Variants in PIWIL4 observed in about 807,000 individuals in gnomAD.
The protein encoded by PIWIL4 is piwi like RNA-mediated gene silencing 4, also known as piwi-like protein 4.
PIWIL4 carries 50 observed loss-of-function variants against 100.9 expected under a neutral mutation model. The ratio of observed to expected loss-of-function variants is 0.50; its 90% CI spans 0.39 to 0.63. The LOEUF is 0.63. Ranked by LOEUF, PIWIL4 falls within the 20% of genes least tolerant of loss-of-function variation. PIWIL4 has a pLI of 0.00. For missense variants in PIWIL4, 887 were observed against 1,043.3 expected (o/e 0.85, Z 2.06); for synonymous variants, 342 against 367.5 (o/e 0.93, Z 0.79).
chr11:94,574,430 G>A (rs567292146), intron 2 of PIWIL4, among the ~76,000 whole-genome samples: 1 of 152,326 alleles, frequency 6.6e-6, no homozygotes, highest in African/African-American at 2.4e-5. Context: ...AGAAGGGAAT[G>A]GGGAGGGAGG....
intron 19 of PIWIL4, 120 bp downstream of exon 19, chr11:94,620,264 G>T: frequency 9.0e-7 from 1 of 1,109,762 alleles, no homozygotes. Flanking sequence ...TCCTAAAGAA[G>T]GAATGAATGA....
At chr11:94,618,150 A>G in intron 17 of PIWIL4, 43 bp downstream of exon 17, 3 of 1,503,826 alleles carry the variant, frequency 2.0e-6, no homozygotes, top group East Asian at 2.3e-5. Context: ...CAATTATAGC[A>G]TATTCAGCTG....
chr11:94,592,906 T>C (rs957421936), intron 8 of PIWIL4, among the ~76,000 whole-genome samples: 1 of 152,156 alleles, frequency 6.6e-6, no homozygotes, highest in African/African-American at 2.4e-5. Context: ...GAGCTACTGT[T>C]ATCCTTATTT....
Position 94,579,454 on chromosome 11 carries a change from A to G in PIWIL4, c.513+1962A>G, listed in dbSNP as rs145409280. ...CAATTTCTGTGTGAAAAATTAAAAC[A>G]GAGCATTGGATTAAAATTTTATGCT... On this transcript the variant is annotated intron_variant, in intron 4 of 19. Coordinates refer to ENST00000299001, the MANE Select transcript of PIWIL4 (RefSeq NM_152431.3). Among the ~76,000 whole-genome samples, 721 of 152,270 alleles carry G rather than the reference A, an allele frequency of 4.7e-3. 2 individuals are homozygous for G. Among genetic ancestry groups the G allele is most frequent in the African/African-American group, 0.016 (678 of 41,498 alleles).
chr11:94,569,471 C>G (rs1315941249), intron 2 of PIWIL4, among the ~76,000 whole-genome samples: 1 of 152,158 alleles, frequency 6.6e-6, no homozygotes, highest in South Asian at 2.1e-4. Flanking sequence ...CTCCACCTCC[C>G]AGGTTCAAGT....
chr11:94,568,905 C>A, intron 2 of PIWIL4, 97 bp downstream of exon 2: 1 of 1,041,230 alleles, frequency 9.6e-7, no homozygotes, highest in Non-Finnish European at 1.5e-6. Flanking sequence ...ACCTCTTGCA[C>A]ATCCTGATTT....
chr11:94,572,095 A>C (rs1948163394), intron 2 of PIWIL4, among the ~76,000 whole-genome samples: 1 of 152,212 alleles, frequency 6.6e-6, no homozygotes, highest in Admixed American at 6.5e-5. Context: ...TCTTTTGAGA[A>C]GTCTCTGTTC....
chr11:94,621,187 A>G lies in PIWIL4; in HGVS notation c.*195A>G, dbSNP rs143178181. ...GTGTTATTTTGTTTTAAAGAGTTGT[A>G]TGCTTGGGGTAAATTTTCATTGTCA... On this transcript the variant is annotated 3_prime_UTR_variant, in exon 20 of 20. Coordinates refer to ENST00000299001, the MANE Select transcript of PIWIL4 (RefSeq NM_152431.3). 131 of 521,656 alleles carry G rather than the reference A, an allele frequency of 2.5e-4. 1 individual carries two copies. Among genetic ancestry groups the G allele is most frequent in the African/African-American group, 2.0e-3 (104 of 52,286 alleles). 32.3% of individuals were successfully genotyped at this position (521,656 alleles called of 1,614,324 possible). A position where few individuals can be genotyped will look rare whatever the true frequency, so the allele number is the denominator to read the frequency against.
intron 13 of PIWIL4, among the ~76,000 whole-genome samples, chr11:94,605,820 G>A (rs905693788): frequency 3.3e-5 from 5 of 151,930 alleles, no homozygotes; most frequent in Non-Finnish European, 5.9e-5. Context: ...TATTTATTTT[G>A]TTGCTCTTAA....
intron 15 of PIWIL4, among the ~76,000 whole-genome samples, chr11:94,616,278 A>G (rs577011833): frequency 3.9e-5 from 6 of 152,344 alleles, no homozygotes; most frequent in African/African-American, 1.4e-4. Context: ...TTGAAGCTCG[A>G]TATGGCTGAT....
intron 17 of PIWIL4, among the ~76,000 whole-genome samples, chr11:94,619,178 TAAGGA>T (rs1407244250): frequency 6.6e-6 from 1 of 152,210 alleles, no homozygotes; most frequent in Non-Finnish European, 1.5e-5. Flanking sequence ...CCAGAGGATG[TAAGGA>T]TGCCTTTTGT....
chr11:94,601,912 G>T lies in PIWIL4; in HGVS notation c.1498G>T (p.Glu500Ter), dbSNP rs140141244. 6.2e-7 allele frequency: 1 copy of T among 1,614,074 alleles called. No individual in the cohort carries two copies. The highest frequency in any genetic ancestry group is 1.1e-5 in the South Asian group (1 of 91,064). ...LCSDRTEYVA[E>*]SFLNCLRRVA... ...TAGCGACAGAACTGAATATGTTGCC[G>T]AGAGCTTTCTGAACTGCTTGAGAAG... Residue 500 changes from glutamate to a stop codon, truncating the protein, a stop_gained, in exon 12 of 20, where the codon GAG becomes TAG. Transcript: ENST00000299001. LOFTEE classifies it high-confidence loss of function.
intron 11 of PIWIL4, among the ~76,000 whole-genome samples, chr11:94,599,236 G>T (rs1287984326): frequency 6.6e-6 from 1 of 152,176 alleles, no homozygotes; most frequent in African/African-American, 2.4e-5. Context: ...ATTTCTATAA[G>T]TAAAGTCGTA....
intron 3 of PIWIL4, among the ~76,000 whole-genome samples, chr11:94,576,006 TA>T (rs1171384339): frequency 3.9e-5 from 6 of 152,254 alleles, no homozygotes; most frequent in African/African-American, 9.6e-5. Flanking sequence ...TCCTACCAGA[TA>T]TATACCCCAG....
chr11:94,593,448 T>G, intron 8 of PIWIL4, 70 bp from the exon 9 acceptor site: 1 of 1,481,810 alleles, frequency 6.7e-7, no homozygotes, highest in Non-Finnish European at 9.2e-7. Flanking sequence ...ATCACCTTGT[T>G]GAATGTAAGG....
chr11:94,598,166 C>T (rs924497204), intron 11 of PIWIL4, among the ~76,000 whole-genome samples: 1 of 152,128 alleles, frequency 6.6e-6, no homozygotes, highest in Non-Finnish European at 1.5e-5. Flanking sequence ...GCAATTAAAA[C>T]ATACCTATCT....
At chr11:94,599,310 A>G (rs780339829) in intron 11 of PIWIL4, among the ~76,000 whole-genome samples, 1 of 152,144 alleles carries the variant, frequency 6.6e-6, no homozygotes, top group Non-Finnish European at 1.5e-5. Flanking sequence ...ACTGGTGTCC[A>G]TAGGAGAAAG....
intron 13 of PIWIL4, 142 bp from the exon 14 acceptor site, chr11:94,607,297 C>G (rs1256085327): frequency 1.4e-6 from 1 of 694,050 alleles, no homozygotes; most frequent in African/African-American, 1.8e-5. Flanking sequence ...TTTAAGAGAA[C>G]TGTAGGCATG....
At position 94,607,653 on chromosome 11, in the gene PIWIL4, C is replaced by T; in HGVS notation, c.1839+14C>T. On this transcript the variant is annotated intron_variant, in intron 14 of 19. Transcript: ENST00000299001. The stretch of plus-strand genomic sequence containing the variant: ...GTGGAAATACCTGTAAGGACCCTGT[C>T]ACATTTTTTCTATTAGTAATTAATA... 6.2e-7 allele frequency: 1 copy of T among 1,603,168 alleles called. No individual in the cohort carries two copies. The highest frequency in any genetic ancestry group is 1.1e-5 in the South Asian group (1 of 88,996).
Sources: allele counts gnomAD v4.1 joint callset (sites outside exome capture counted in the v4.1 genomes callset), GRCh38; gene constraint gnomAD v4.1.1; transcripts MANE v1.5; gene names NCBI Gene and HGNC (gene_info 2026-07-23, HGNC 2026-07-21).